XCR1: variants seen among roughly 807,000 people sequenced by gnomAD.
XCR1 encodes the protein chemokine XC receptor 1.
For synonymous variants in XCR1, 187 were observed against 188.5 expected (o/e 0.99, Z 0.06); for missense variants, 356 against 424.2 (o/e 0.84, Z 1.41).
At chr3:46,056,619 G>A (rs1240606182) in intron 4 of XCR1, among the ~76,000 whole-genome samples, 1 of 151,544 alleles carries the variant, frequency 6.6e-6, no homozygotes, top group Non-Finnish European at 1.5e-5. Flanking sequence ...GACTACAGGC[G>A]CATGCCACCA....
At chr3:46,065,970 G>T (rs988853651) in intron 4 of XCR1, among the ~76,000 whole-genome samples, 4 of 152,176 alleles carry the variant, frequency 2.6e-5, no homozygotes, top group African/African-American at 9.7e-5. Context: ...ATTCTCAGAG[G>T]AAGATCCGAG....
chr3:46,047,324 A>G (rs1467025828), intron 5 of XCR1, among the ~76,000 whole-genome samples: 1 of 152,218 alleles, frequency 6.6e-6, no homozygotes, highest in East Asian at 1.9e-4. Flanking sequence ...GCTCGGACAG[A>G]TTAACAGGAA....
intron 5 of XCR1, among the ~76,000 whole-genome samples, chr3:46,033,855 T>G (rs1449541158): frequency 6.6e-6 from 1 of 152,236 alleles, no homozygotes; most frequent in East Asian, 1.9e-4. Context: ...GTTTTATAGT[T>G]TTCCTTAGAT....
upstream of XCR1, among the ~76,000 whole-genome samples, chr3:46,029,971 C>G (rs6805094): frequency 0.44 from 66,460 of 151,808 alleles, 16,651 homozygotes; most frequent in African/African-American, 0.69. Flanking sequence ...TTCATTGCTA[C>G]TGTATAAAAA....
At chr3:46,066,550 T>C (rs1698079338) in intron 4 of XCR1, among the ~76,000 whole-genome samples, 1 of 152,170 alleles carries the variant, frequency 6.6e-6, no homozygotes, top group Non-Finnish European at 1.5e-5. Flanking sequence ...GCCACAGCCA[T>C]CATTTCTTAG....
At chr3:46,044,923 A>G (rs1480348886) in intron 5 of XCR1, among the ~76,000 whole-genome samples, 3 of 152,210 alleles carry the variant, frequency 2.0e-5, no homozygotes, top group Admixed American at 6.5e-5. Flanking sequence ...CAGTGAAGTT[A>G]TTAAGCTTTC....
intron 1 of XCR1, chr3:46,024,174 G>T: frequency 2.0e-6 from 1 of 509,592 alleles, no homozygotes; most frequent in Non-Finnish European, 3.6e-6. Context: ...GGCCACAGAA[G>T]AGGGGAGAAG....
chr3:46,057,906 AT>A (rs1575430339), intron 4 of XCR1, among the ~76,000 whole-genome samples: 1 of 145,672 alleles, frequency 6.9e-6, no homozygotes, highest in Non-Finnish European at 1.5e-5. Context: ...CTATCTATCT[AT>A]CTATCTATCT....
At chr3:46,080,264 T>C (rs1473912306) in intron 1 of XCR1, among the ~76,000 whole-genome samples, 1 of 151,078 alleles carries the variant, frequency 6.6e-6, no homozygotes, top group African/African-American at 2.4e-5. Context: ...CATAAAAATA[T>C]AAAAATTCCT....
At chr3:46,034,192 G>A (rs767483852) in intron 5 of XCR1, among the ~76,000 whole-genome samples, 6 of 152,008 alleles carry the variant, frequency 3.9e-5, no homozygotes, top group Non-Finnish European at 7.4e-5. Flanking sequence ...GGATGGTCTC[G>A]AACTCCTGAC....
intron 1 of XCR1, among the ~76,000 whole-genome samples, chr3:46,079,070 A>G (rs1243115237): frequency 1.3e-5 from 2 of 152,164 alleles, no homozygotes; most frequent in East Asian, 3.9e-4. Flanking sequence ...GCTCGTAAGC[A>G]CCACACTTCC....
chr3:46,057,378 G>T (rs541295073), intron 4 of XCR1, among the ~76,000 whole-genome samples: 1 of 152,164 alleles, frequency 6.6e-6, no homozygotes, highest in Non-Finnish European at 1.5e-5. Context: ...ATAAAGGGGC[G>T]CAAAGCAACT....
chr3:46,071,366 A>G (rs1698161479), intron 3 of XCR1, among the ~76,000 whole-genome samples: 1 of 152,138 alleles, frequency 6.6e-6, no homozygotes, highest in South Asian at 2.1e-4. Context: ...AGATGGATTC[A>G]CAGATGAAGT....
chr3:46,078,013 C>T (rs983852679), intron 1 of XCR1, among the ~76,000 whole-genome samples: 2 of 152,094 alleles, frequency 1.3e-5, no homozygotes, highest in African/African-American at 2.4e-5. Context: ...ATCATTTGTA[C>T]CCCAAACTTC....
intron 4 of XCR1, among the ~76,000 whole-genome samples, chr3:46,055,662 C>G (rs891360576): frequency 6.6e-6 from 1 of 152,202 alleles, no homozygotes; most frequent in African/African-American, 2.4e-5. Context: ...GGTGTACTGA[C>G]TTGCTCTGTG....
chr3:46,054,504 AG>A (rs1697814825), intron 4 of XCR1, among the ~76,000 whole-genome samples: 1 of 150,150 alleles, frequency 6.7e-6, no homozygotes, highest in African/African-American at 2.5e-5. Flanking sequence ...TGTACACAAG[AG>A]TGTAGAGTGT....
intron 4 of XCR1, among the ~76,000 whole-genome samples, chr3:46,066,299 C>T (rs113912493): frequency 0.1 from 15,273 of 151,790 alleles, 2,619 homozygotes; most frequent in African/African-American, 0.35. Context: ...GGCTGGAGTG[C>T]AGCAGTGCAA....
intron 5 of XCR1, among the ~76,000 whole-genome samples, chr3:46,049,354 C>G (rs373131955): frequency 7.2e-5 from 11 of 152,286 alleles, no homozygotes; most frequent in East Asian, 5.8e-4. Context: ...GCATGAGATG[C>G]TTGAGCTTGC....
At chr3:46,044,813 A>C (rs1270421102) in intron 5 of XCR1, among the ~76,000 whole-genome samples, 1 of 152,230 alleles carries the variant, frequency 6.6e-6, no homozygotes, top group Non-Finnish European at 1.5e-5. Context: ...AGAAATACAG[A>C]ATATGGGTAG....
Sources: gnomAD v4.1 joint callset for allele counts (sites outside exome capture counted in the v4.1 genomes callset) on GRCh38, gnomAD v4.1.1 for gene constraint, MANE v1.5 for transcripts, NCBI Gene and HGNC (gene_info 2026-07-23, HGNC 2026-07-21) for gene names.